Variants in UTP4 observed in about 807,000 individuals in gnomAD.
The protein encoded by UTP4 is UTP4 small subunit processome component.
Under a neutral mutation model 82.4 loss-of-function variants are expected in UTP4, and 45 were observed. The ratio of observed to expected loss-of-function variants is 0.55; its 90% CI spans 0.43 to 0.70. UTP4 has a LOEUF of 0.70. UTP4 is among the 30% of genes least tolerant of loss of function. The probability of loss-of-function intolerance (pLI) is 0.00; values close to 1 mark genes in which losing one functional copy is unlikely to be tolerated. For synonymous variants in UTP4, 348 were observed against 300.3 expected (o/e 1.16, Z -1.64); for missense variants, 819 against 858.3 (o/e 0.95, Z 0.57).
At chr16:69,140,588 C>G (rs1962932947) in intron 5 of UTP4, among the ~76,000 whole-genome samples, 1 of 152,022 alleles carries the variant, frequency 6.6e-6, no homozygotes, top group African/African-American at 2.4e-5. Flanking sequence ...GTGGTGCATG[C>G]CTGTATTCCC....
rs115304150 is a variant in UTP4 at position 69,145,748 on chromosome 16, T to C, written c.738+2359T>C. On this transcript the variant is annotated intron_variant, in intron 6 of 16. Transcript: ENST00000314423. The stretch of plus-strand genomic sequence containing the variant: ...GTGCTGTCCTTGGAAAATGCTTTCC[T>C]TTCTGGTACACAGTCATGACCCTGC... Among the ~76,000 whole-genome samples, 1,155 of 152,074 alleles carry C rather than the reference T, an allele frequency of 7.6e-3. 16 individuals carry two copies. Among genetic ancestry groups the C allele is most frequent in the African/African-American group, 0.025 (1,040 of 41,460 alleles).
intron 14 of UTP4, 123 bp from the exon 15 acceptor site, chr16:69,165,218 G>A: frequency 1.3e-6 from 1 of 789,612 alleles, no homozygotes; most frequent in Non-Finnish European, 2.0e-6. Context: ...AGTGTTGGGA[G>A]AGCATAGAAT....
At chr16:69,167,420 T>C (rs1963729189) in intron 16 of UTP4, 1 of 505,412 alleles carries the variant, frequency 2.0e-6, no homozygotes, top group East Asian at 3.7e-5. Context: ...GCGTAAGTAG[T>C]GAGAAATGTT....
chr16:69,150,039 G>C (rs1057045168), intron 6 of UTP4, among the ~76,000 whole-genome samples: 1 of 151,980 alleles, frequency 6.6e-6, no homozygotes, highest in Non-Finnish European at 1.5e-5. Flanking sequence ...ATGTTTCTTG[G>C]ATATTTTTAA....
rs113417675 is a variant in UTP4, at chr16:69,165,264, T to C, written c.1648-77T>C. ...CAGTTGAAGCTTTGTATAGATACTT[T>C]CTGGTTAGGGATGAGAATGCCCTTC... On this transcript the variant is annotated intron_variant, in intron 14 of 16. Transcript: ENST00000314423. 4 of 1,251,796 alleles carry C rather than the reference T, an allele frequency of 3.2e-6. No individual in the cohort carries two copies. The African/African-American group carries it at 5.9e-5, about 18-fold the overall frequency. The allele number at this position is 1,251,796 out of a possible 1,614,324, so 77.5% of individuals were successfully genotyped here.
At chr16:69,142,321 A>C (rs996107622) in intron 5 of UTP4, 1 of 152,866 alleles carries the variant, frequency 6.5e-6, no homozygotes, top group Non-Finnish European at 1.5e-5. Flanking sequence ...CCTGGCTATC[A>C]GCATTCTAAG....
intron 5 of UTP4, 32 bp from the exon 6 acceptor site, chr16:69,143,144 TAC>T (rs1348324607): frequency 1.2e-6 from 2 of 1,601,860 alleles, no homozygotes; most frequent in Admixed American, 3.3e-5. Flanking sequence ...GAGAAATAAG[TAC>T]CATTTGAAGG....
chr16:69,163,326 G>A (rs376667483), intron 14 of UTP4, 148 bp downstream of exon 14: 15 of 698,848 alleles, frequency 2.1e-5, no homozygotes, highest in African/African-American at 5.3e-5. Context: ...CTTCCTTGCC[G>A]GTCTGGGCTC....
At chr16:69,140,223 C>T (rs1474188265) in intron 5 of UTP4, among the ~76,000 whole-genome samples, 1 of 152,130 alleles carries the variant, frequency 6.6e-6, no homozygotes, top group African/African-American at 2.4e-5. Context: ...GATCCCAGTC[C>T]TTGGTAAAAA....
chr16:69,156,660 C>T (rs968188423), intron 11 of UTP4, among the ~76,000 whole-genome samples: 2 of 151,536 alleles, frequency 1.3e-5, no homozygotes, highest in African/African-American at 4.9e-5. Context: ...GGTTTCACCA[C>T]GTTGGCCAGG....
chr16:69,155,771 G>A, intron 10 of UTP4, 100 bp from the exon 11 acceptor site: 1 of 1,193,606 alleles, frequency 8.4e-7, no homozygotes, highest in Non-Finnish European at 1.3e-6. Context: ...AGATATCTGT[G>A]GGTATGTCCA....
rs977308766 is a variant in UTP4, at chr16:69,152,017, G to A, written c.1002+1113G>A. On this transcript the variant is annotated intron_variant, in intron 8 of 16. Coordinates refer to ENST00000314423, the MANE Select transcript of UTP4 (RefSeq NM_032830.3). ...TATACATATGTTATAGATATAGATA[G>A]ATAGATAGATAGATCAACAGCTCTA... is the stretch of plus-strand genomic sequence containing the variant. Among the ~76,000 whole-genome samples, 11 of 150,920 alleles carry A rather than the reference G, an allele frequency of 7.3e-5. No homozygotes were observed. The South Asian group carries it at 1.9e-3, about 26-fold the overall frequency.
intron 6 of UTP4, among the ~76,000 whole-genome samples, chr16:69,147,001 C>CAAAAAAAAAA (rs71148965): frequency 4.7e-5 from 4 of 85,788 alleles, no homozygotes; most frequent in Admixed American, 1.4e-4. Flanking sequence ...GACTCTGCCT[C>CAAAAAAAAAA]AAAAAAAAAA....
rs377416074 is a variant in UTP4, at chr16:69,163,080, C to T, written c.1552-3C>T. 6.8e-6 allele frequency: 11 copies of T among 1,612,812 alleles called. No homozygotes were observed. The highest frequency in any genetic ancestry group is 4.0e-5 in the African/African-American group (3 of 74,992). ...GCCACTTGTGTCTGTTATTTGTTCCCAGCTTCACTGCACGGTGCCTGCTTA... is the reference window on the plus strand; with the variant it reads ...GCCACTTGTGTCTGTTATTTGTTCCTAGCTTCACTGCACGGTGCCTGCTTA... On this transcript the variant is annotated splice_polypyrimidine_tract_variant and splice_region_variant and intron_variant, in intron 13 of 16. Coordinates refer to ENST00000314423, the MANE Select transcript of UTP4 (RefSeq NM_032830.3).
chr16:69,150,966 C>G, intron 8 of UTP4, 62 bp downstream of exon 8: 1 of 1,301,542 alleles, frequency 7.7e-7, no homozygotes, highest in East Asian at 2.3e-5. Flanking sequence ...TCCCCCTGTC[C>G]CACAAGCTCT....
intron 13 of UTP4, among the ~76,000 whole-genome samples, chr16:69,161,085 G>A (rs773734554): frequency 2.0e-5 from 3 of 152,024 alleles, no homozygotes; most frequent in Non-Finnish European, 2.9e-5. Context: ...CTGTATTTTC[G>A]GGAGGAAAAT....
intron 8 of UTP4, 41 bp from the exon 9 acceptor site, chr16:69,153,543 A>T: frequency 7.0e-7 from 1 of 1,422,696 alleles, no homozygotes; most frequent in Non-Finnish European, 9.9e-7. Context: ...GCAGTAGATG[A>T]CCCTGACTTA....
rs1963767260 is a variant in UTP4 at position 69,168,798 on chromosome 16, GAAT to G, written c.1945-19_1945-17del. ...TAGCCCTGGATCCTAAGTCCTGATA[GAAT>G]AATTATCATCCCTCTGCAGCCTCTA... On this transcript the variant is annotated intron_variant, in intron 16 of 16. Transcript: ENST00000314423. 1 of 1,453,158 alleles carries G rather than the reference GAAT, an allele frequency of 6.9e-7. No homozygotes were observed. The highest frequency in any genetic ancestry group is 9.7e-7 in the Non-Finnish European group (1 of 1,033,282). 90.0% of individuals were successfully genotyped at this position (1,453,158 alleles called of 1,614,324 possible).
At chr16:69,138,331 G>A (rs367576222) in intron 4 of UTP4, among the ~76,000 whole-genome samples, 12 of 150,648 alleles carry the variant, frequency 8.0e-5, no homozygotes, top group South Asian at 4.2e-4. Context: ...TCCGCCTCCC[G>A]GCTTCAAGTG....
Sources: gnomAD v4.1 joint callset for allele counts (sites outside exome capture counted in the v4.1 genomes callset) on GRCh38, gnomAD v4.1.1 for gene constraint, MANE v1.5 for transcripts, NCBI Gene and HGNC (gene_info 2026-07-23, HGNC 2026-07-21) for gene names.